Variants in STAM2 observed in about 807,000 individuals in gnomAD.
STAM2 encodes the protein signal transducing adaptor molecule 2, also known as signal transducing adapter molecule 2.
A neutral mutation model predicts 65.6 loss-of-function variants in STAM2; 51 were observed. That is an observed-to-expected ratio of 0.78 (90% CI 0.62 to 0.98). The LOEUF (loss-of-function observed/expected upper bound fraction) is 0.98. STAM2 is among the 50% of genes least tolerant of loss of function. The pLI is 0.00. For synonymous variants in STAM2, 198 were observed against 208.4 expected (o/e 0.95, Z 0.43); for missense variants, 584 against 617.8 (o/e 0.95, Z 0.58).
At chr2:152,122,101 TGTGTATACACATATATATAC>T in intron 13 of STAM2, among the ~76,000 whole-genome samples, 1 of 151,326 alleles carries the variant, frequency 6.6e-6, no homozygotes, top group South Asian at 2.1e-4. Flanking sequence ...TGTGTGTGTG[TGTGTATACACATATATATAC>T]ATACTATGCC....
chr2:152,171,384 A>C (rs1284052420), intron 1 of STAM2, among the ~76,000 whole-genome samples: 2 of 151,256 alleles, frequency 1.3e-5, no homozygotes, highest in Admixed American at 1.3e-4. Flanking sequence ...TAAGTCTACT[A>C]TTCTTATTCA....
At chr2:152,153,646 A>G (rs78353201) in intron 1 of STAM2, among the ~76,000 whole-genome samples, 7,687 of 152,220 alleles carry the variant, frequency 0.05, 560 homozygotes, top group African/African-American at 0.16. Flanking sequence ...AATGCTACGC[A>G]GGCAAAACAT....
intron 1 of STAM2, among the ~76,000 whole-genome samples, chr2:152,173,526 A>AGCAGGGACT (rs1689943724): frequency 6.6e-6 from 1 of 151,776 alleles, no homozygotes; most frequent in Non-Finnish European, 1.5e-5. Context: ...CCTCCCCAGT[A>AGCAGGGACT]GCAGGGACTA....
chr2:152,156,816 C>T (rs1230585216), intron 1 of STAM2, among the ~76,000 whole-genome samples: 1 of 152,072 alleles, frequency 6.6e-6, no homozygotes, highest in Non-Finnish European at 1.5e-5. Context: ...AATAAGAATG[C>T]TGCAAGAAAA....
At chr2:152,168,814 T>TG (rs2105569834) in intron 1 of STAM2, among the ~76,000 whole-genome samples, 1 of 152,206 alleles carries the variant, frequency 6.6e-6, no homozygotes, top group African/African-American at 2.4e-5. Context: ...TATAAAACAG[T>TG]GGGGAAAAAA....
chr2:152,122,057 A>AATATAT (rs59011840), intron 13 of STAM2, among the ~76,000 whole-genome samples: 3 of 131,738 alleles, frequency 2.3e-5, no homozygotes, highest in Middle Eastern at 3.5e-3. Context: ...CCAAAAAAAA[A>AATATAT]ATATATATAT....
At chr2:152,153,473 G>T (rs1264864272) in intron 1 of STAM2, among the ~76,000 whole-genome samples, 1 of 151,904 alleles carries the variant, frequency 6.6e-6, no homozygotes, top group East Asian at 1.9e-4. Context: ...CACCAATGCA[G>T]TTAACCTCAG....
intron 1 of STAM2, among the ~76,000 whole-genome samples, chr2:152,173,959 C>T (rs768141939): frequency 1.3e-5 from 2 of 152,098 alleles, no homozygotes; most frequent in Admixed American, 1.3e-4. Context: ...ATGGCACTGG[C>T]CATAAAATAA....
intron 7 of STAM2, among the ~76,000 whole-genome samples, chr2:152,136,029 G>T (rs184234116): frequency 6.7e-6 from 1 of 149,818 alleles, no homozygotes; most frequent in East Asian, 2.0e-4. Flanking sequence ...GGAGGAGGTT[G>T]CAGTGAGCCA....
intron 1 of STAM2, among the ~76,000 whole-genome samples, chr2:152,164,445 C>T (rs188043948): frequency 3.8e-4 from 58 of 151,674 alleles, no homozygotes; most frequent in African/African-American, 1.3e-3. Context: ...CGAGTTCAAA[C>T]GACTCTCCTG....
intron 13 of STAM2, among the ~76,000 whole-genome samples, chr2:152,123,282 G>T (rs1688895806): frequency 6.6e-6 from 1 of 152,136 alleles, no homozygotes; most frequent in African/African-American, 2.4e-5. Flanking sequence ...TGAGGCAGGA[G>T]AATCGCTTGA....
rs538356843 is a variant in STAM2 at position 152,159,207 on chromosome 2, G to C, written c.41-8978C>G. On this transcript the variant is annotated intron_variant, in intron 1 of 13. Transcript: ENST00000263904. ...TGTAGTCCCCACTACTTGAGAGGCT[G>C]GGGTGGGAGGATTCCTTGTGCCCAG... 1.4e-3 allele frequency among the ~76,000 whole-genome samples: 215 copies of C among 150,920 alleles called. 3 individuals carry two copies. Among genetic ancestry groups the C allele is most frequent in the Middle Eastern group, 6.9e-3 (2 of 290 alleles).
At chr2:152,127,067 T>C (rs1688975682) in intron 11 of STAM2, among the ~76,000 whole-genome samples, 1 of 152,188 alleles carries the variant, frequency 6.6e-6, no homozygotes, top group Non-Finnish European at 1.5e-5. Flanking sequence ...ATGGGAAACT[T>C]CTAGGGGGTA....
At chr2:152,151,026 T>C (rs2105551884) in intron 1 of STAM2, among the ~76,000 whole-genome samples, 1 of 151,816 alleles carries the variant, frequency 6.6e-6, no homozygotes, top group South Asian at 2.1e-4. Context: ...AAAAGGAAAA[T>C]TGATTAATAA....
At chr2:152,147,917 TAA>T in intron 4 of STAM2, 105 bp downstream of exon 4, 1 of 862,560 alleles carries the variant, frequency 1.2e-6, no homozygotes, top group Non-Finnish European at 1.8e-6. Context: ...TTCAATGATC[TAA>T]AAATGACTTC....
intron 7 of STAM2, among the ~76,000 whole-genome samples, chr2:152,137,871 AC>A (rs1689183251): frequency 6.6e-6 from 1 of 152,074 alleles, no homozygotes; most frequent in Non-Finnish European, 1.5e-5. Context: ...TAAATAGTCC[AC>A]CATTTTTTCT....
rs549071696 is a variant in STAM2, at chr2:152,160,665, C to T, written c.41-10436G>A. ...GGGAGGGCGGTGGGGGTCAGCCCCCCGCCCGGCCAGCCACCCCGTCCGGGA... is the reference window on the plus strand; with the variant it reads ...GGGAGGGCGGTGGGGGTCAGCCCCCTGCCCGGCCAGCCACCCCGTCCGGGA... On this transcript the variant is annotated intron_variant, in intron 1 of 13. Coordinates refer to ENST00000263904, the MANE Select transcript of STAM2 (RefSeq NM_005843.6). Among the ~76,000 whole-genome samples the T allele has an allele frequency of 9.3e-3, 1,391 of 150,118 alleles. 16 individuals carry two copies. Among genetic ancestry groups the T allele is most frequent in the Middle Eastern group, 0.032 (9 of 284 alleles).
Position 152,148,239 on chromosome 2 carries a change from G to A in STAM2, c.187C>T (p.Leu63=). Residue 63 remains leucine (L), a synonymous_variant, in exon 3 of 14, where the codon CTG becomes TTG. Transcript: ENST00000263904. The part of the protein sequence containing the change: ...RVNHKVPHVA[L]QALTLLGACV... ...CTTGTACTCACAGTTAGTGCTTGCA[G>A]AGCAACATGTGGAACCTTATGATTT... The A allele has an allele frequency of 1.9e-6, 3 of 1,610,856 alleles. No homozygotes were observed. The highest frequency in any genetic ancestry group is 2.2e-5 in the East Asian group (1 of 44,738).
Position 152,120,487 on chromosome 2 carries a change from GA to G in STAM2, c.*86del. The G allele has an allele frequency of 8.5e-7, 1 of 1,178,892 alleles. No individual in the cohort carries two copies. Among genetic ancestry groups the G allele is most frequent in the Non-Finnish European group, 1.2e-6 (1 of 817,360 alleles). 73.0% of individuals were successfully genotyped at this position (1,178,892 alleles called of 1,614,324 possible). ...TTCATGGTCCTTTTGAGTTGAGAGGGAAAAAAGTTTTAATATTTTCAGGTTG... is the reference window on the plus strand; with the variant it reads ...TTCATGGTCCTTTTGAGTTGAGAGGGAAAAAGTTTTAATATTTTCAGGTTG... On this transcript the variant is annotated 3_prime_UTR_variant, in exon 14 of 14. Coordinates refer to ENST00000263904, the MANE Select transcript of STAM2 (RefSeq NM_005843.6).
Sources: allele counts gnomAD v4.1 joint callset (sites outside exome capture counted in the v4.1 genomes callset), GRCh38; gene constraint gnomAD v4.1.1; transcripts MANE v1.5; gene names NCBI Gene and HGNC (gene_info 2026-07-23, HGNC 2026-07-21).